Variants in PLPP1 observed in about 807,000 individuals in gnomAD.
PLPP1 encodes phospholipid phosphatase 1, also known as lipid phosphate phosphohydrolase 1a.
Under a neutral mutation model 31.2 loss-of-function variants are expected in PLPP1, and 24 were observed. The ratio of observed to expected loss-of-function variants is 0.77; its 90% CI spans 0.56 to 1.08. PLPP1 has a LOEUF of 1.08. Among genes scored for constraint, PLPP1 ranks in the 50% least tolerant of loss-of-function variants. The pLI, the probability that PLPP1 is intolerant of heterozygous loss-of-function variation, is 0.00. For synonymous variants in PLPP1, 146 were observed against 126.3 expected, an observed-to-expected ratio of 1.16 and a Z score of -1.05; for missense variants, 319 against 342.7, an observed-to-expected ratio of 0.93 and a Z score of 0.55.
At chr5:55,509,378 G>C (rs1465745036) in intron 1 of PLPP1, among the ~76,000 whole-genome samples, 1 of 152,172 alleles carries the variant, frequency 6.6e-6, no homozygotes, top group African/African-American at 2.4e-5. Context: ...AGAATTCAAA[G>C]AACAGTGCAC....
chr5:55,427,469 G>A (rs908449810), intron 4 of PLPP1, among the ~76,000 whole-genome samples: 7 of 152,132 alleles, frequency 4.6e-5, no homozygotes, highest in Non-Finnish European at 7.4e-5. Context: ...TTTGTTTGTT[G>A]TTCAAGCTGT....
chr5:55,443,748 T>C (rs1751688034), intron 3 of PLPP1, among the ~76,000 whole-genome samples: 2 of 152,218 alleles, frequency 1.3e-5, no homozygotes. Flanking sequence ...AAACAGATAT[T>C]TTATTCAGTA....
At chr5:55,504,995 G>A (rs1138146) in intron 1 of PLPP1, among the ~76,000 whole-genome samples, 3,630 of 151,976 alleles carry the variant, frequency 0.024, 146 homozygotes, top group African/African-American at 0.083. Context: ...ATTTTATGTA[G>A]AGACAGGATT....
At chr5:55,472,044 C>T (rs899684850) in intron 2 of PLPP1, among the ~76,000 whole-genome samples, 8 of 152,158 alleles carry the variant, frequency 5.3e-5, no homozygotes, top group African/African-American at 1.4e-4. Flanking sequence ...ATCACTTAAA[C>T]CCAGGAGGTT....
chr5:55,450,443 A>G (rs1378294464), intron 3 of PLPP1, among the ~76,000 whole-genome samples: 1 of 152,198 alleles, frequency 6.6e-6, no homozygotes, highest in Non-Finnish European at 1.5e-5. Flanking sequence ...AATCTAGAAA[A>G]TAGGAGGTTG....
chr5:55,425,325 C>T lies in PLPP1; in HGVS notation c.736G>A (p.Val246Ile). ...ALVAILVAVY[V>I]SDFFKERTSF... ...GTTCTTTCTTTGAAGAAATCCGATA[C>T]ATATACAGCCTACAGTGCAAAATAT... The change falls in exon 6 of 6, where the codon GTA (valine) becomes ATA (isoleucine). Residue 246 changes from valine (V) to isoleucine (I), a missense_variant. Transcript: ENST00000307259. 1 of 1,601,740 alleles carries T rather than the reference C, an allele frequency of 6.2e-7. No individual in the cohort carries two copies. The highest frequency in any genetic ancestry group is 2.2e-5 in the East Asian group (1 of 44,814).
intron 1 of PLPP1, among the ~76,000 whole-genome samples, chr5:55,517,762 T>C (rs1753582703): frequency 6.6e-6 from 1 of 152,248 alleles, no homozygotes; most frequent in Admixed American, 6.5e-5. Flanking sequence ...GTCCTCATGA[T>C]TAATCCTCCT....
In PLPP1 at chr5:55,511,510, T is replaced by C. The variant is rs1223533304; in HGVS notation, c.58+23062A>G. Among the ~76,000 whole-genome samples, 4 of 152,212 alleles carry C rather than the reference T, an allele frequency of 2.6e-5. No individual in the cohort carries two copies. In the East Asian group the frequency reaches 7.7e-4, roughly 29 times the overall value. On this transcript the variant is annotated intron_variant, in intron 1 of 5. Coordinates refer to ENST00000307259, the MANE Select transcript of PLPP1 (RefSeq NM_003711.4). ...GCATGGGTTTAAAAAAATGTGGGTA[T>C]ATGGACATTAAAAAGCACTGGAAAG...
intron 4 of PLPP1, among the ~76,000 whole-genome samples, chr5:55,429,764 T>C (rs1311932808): frequency 6.6e-6 from 1 of 151,914 alleles, no homozygotes; most frequent in Non-Finnish European, 1.5e-5. Context: ...AGGGCCAAAG[T>C]ATACAAGCTA....
intron 3 of PLPP1, 121 bp from the exon 4 acceptor site, chr5:55,442,029 T>G: frequency 1.1e-6 from 1 of 927,784 alleles, no homozygotes; most frequent in Non-Finnish European, 1.7e-6. Context: ...CTTTGAGAAA[T>G]TAGAAGGGTA....
chr5:55,511,146 A>G (rs1158677959), intron 1 of PLPP1, among the ~76,000 whole-genome samples: 8 of 152,332 alleles, frequency 5.3e-5, no homozygotes, highest in Middle Eastern at 3.4e-3. Flanking sequence ...TCATTGCCTA[A>G]TAGTAAATTG....
intron 4 of PLPP1, among the ~76,000 whole-genome samples, chr5:55,428,707 T>A (rs938992156): frequency 6.6e-6 from 1 of 152,234 alleles, no homozygotes; most frequent in South Asian, 2.1e-4. Flanking sequence ...ACACAGCTCA[T>A]GCTTCAGCGC....
rs943910196 is a variant in PLPP1, at chr5:55,526,658, C to T, written c.58+7914G>A. On this transcript the variant is annotated intron_variant, in intron 1 of 5. Transcript: ENST00000307259. ...TAGAAGTTAAATAGAAGAGGCCAGG[C>T]ACGGTGGCTCACGCCTGTAATCCCA... Among the ~76,000 whole-genome samples the T allele has an allele frequency of 5.3e-5, 8 of 152,224 alleles. No homozygotes were observed. The East Asian group carries it at 1.5e-3, about 29-fold the overall frequency.
intron 1 of PLPP1, among the ~76,000 whole-genome samples, chr5:55,528,451 T>G (rs1193347865): frequency 1.3e-5 from 2 of 152,242 alleles, no homozygotes; most frequent in Non-Finnish European, 2.9e-5. Context: ...GGGCAGGGAT[T>G]ATCTTATTCA....
At chr5:55,475,177 A>G in intron 2 of PLPP1, 122 bp downstream of exon 2, 1 of 887,250 alleles carries the variant, frequency 1.1e-6, no homozygotes, top group Non-Finnish European at 1.6e-6. Context: ...TAAAGCATCA[A>G]TTAAAGGTTT....
intron 1 of PLPP1, among the ~76,000 whole-genome samples, chr5:55,490,144 C>CTTTTTTTTTTTT (rs896241457): frequency 8.4e-5 from 7 of 83,372 alleles, no homozygotes; most frequent in Non-Finnish European, 1.4e-4. Context: ...CTTTTCTTTT[C>CTTTTTTTTTTTT]TTTTTTTTTT....
At chr5:55,495,725 T>G (rs1752991320) in intron 1 of PLPP1, among the ~76,000 whole-genome samples, 1 of 151,674 alleles carries the variant, frequency 6.6e-6, no homozygotes, top group East Asian at 1.9e-4. Context: ...TCCCCTATTG[T>G]TCATATGTAT....
Position 55,425,199 on chromosome 5 carries a change from C to T in PLPP1, c.*7G>A. The T allele has an allele frequency of 6.2e-7, 1 of 1,611,850 alleles. No homozygotes were observed. Among genetic ancestry groups the T allele is most frequent in the Non-Finnish European group, 8.5e-7 (1 of 1,179,434 alleles). ...AGGCCAGCTTCACCTGGGCACCCTG[C>T]TGCCTTTCAAGGCTGGTGATTGCTC... is the stretch of plus-strand genomic sequence containing the variant. On this transcript the variant is annotated 3_prime_UTR_variant, in exon 6 of 6. Coordinates refer to ENST00000307259, the MANE Select transcript of PLPP1 (RefSeq NM_003711.4).
chr5:55,521,349 C>T (rs961092224), intron 1 of PLPP1, among the ~76,000 whole-genome samples: 20 of 36,370 alleles, frequency 5.5e-4, no homozygotes, highest in Admixed American at 2.0e-3. Flanking sequence ...AAGACTCTGT[C>T]TCAAAAAAAA....
Sources: allele counts gnomAD v4.1 joint callset (sites outside exome capture counted in the v4.1 genomes callset), GRCh38; gene constraint gnomAD v4.1.1; transcripts MANE v1.5; gene names NCBI Gene and HGNC (gene_info 2026-07-23, HGNC 2026-07-21).